The following MEAK7 variants were observed in gnomAD, a reference collection of about 807,000 sequenced individuals.
MEAK7 encodes MTOR associated protein MEAK7, also known as MTOR-associated protein MEAK7.
Under a neutral mutation model 40.5 loss-of-function variants are expected in MEAK7, and 68 were observed. The ratio of observed to expected loss-of-function variants is 1.68; its 90% CI spans 1.38 to 2.06. MEAK7 has a LOEUF of 2.06. MEAK7 is among the 30% of genes most tolerant of loss of function. The pLI is 0.00. For synonymous variants in MEAK7, 338 were observed against 231.9 expected, an observed-to-expected ratio of 1.46 and a Z score of -4.16; for missense variants, 918 against 580.5, an observed-to-expected ratio of 1.58 and a Z score of -5.98.
intron 1 of MEAK7, among the ~76,000 whole-genome samples, chr16:84,502,493 C>T (rs933209864): frequency 6.6e-6 from 1 of 151,986 alleles, no homozygotes; most frequent in Non-Finnish European, 1.5e-5. Flanking sequence ...ACAGAAGTCT[C>T]GAGGCCAATG....
chr16:84,500,213 A>G (rs1914386288), intron 1 of MEAK7, among the ~76,000 whole-genome samples: 1 of 152,188 alleles, frequency 6.6e-6, no homozygotes, highest in Middle Eastern at 3.2e-3. Flanking sequence ...ATCCATCATT[A>G]GCTGAAGGAC....
At chr16:84,500,656 C>T (rs949652515) in intron 1 of MEAK7, among the ~76,000 whole-genome samples, 2 of 152,158 alleles carry the variant, frequency 1.3e-5, no homozygotes, top group African/African-American at 4.8e-5. Context: ...GATCTCACCG[C>T]TTCCACTCCT....
intron 3 of MEAK7, among the ~76,000 whole-genome samples, chr16:84,491,794 G>A (rs533554117): frequency 7.4e-5 from 11 of 149,072 alleles, no homozygotes; most frequent in South Asian, 6.3e-4. Flanking sequence ...CTGAGATCGC[G>A]CCACTGCACT....
chr16:84,486,842 G>A lies in MEAK7; in HGVS notation c.747C>T (p.Leu249=), dbSNP rs1483233938. Residue 249 remains leucine (L), a synonymous_variant, in exon 5 of 8, where the codon CTC becomes CTT. Transcript: ENST00000343629. Reference sequence around the variant, plus strand: ...GCTGGGCGTTGATGTACATGACAGAGAGGACATCCAGGATGCTCTCAAAAC... The same window carrying A: ...GCTGGGCGTTGATGTACATGACAGAAAGGACATCCAGGATGCTCTCAAAAC... ...GRGFESILDV[L]SVMYINAQLP... is the part of the protein sequence containing the mutation. The A allele has an allele frequency of 1.9e-6, 3 of 1,614,196 alleles. No homozygotes were observed. Among genetic ancestry groups the A allele is most frequent in the South Asian group, 2.2e-5 (2 of 91,088 alleles).
Position 84,501,278 on chromosome 16 carries a change from G to A in MEAK7, c.-25-3167C>T, listed in dbSNP as rs913911977. On this transcript the variant is annotated intron_variant, in intron 1 of 7. Transcript: ENST00000343629. ...CAGGAAGTGGGAACAGCACGCACGG[G>A]GCATAAGCAAGAGCGTTGGGATCAG... 3.9e-5 allele frequency among the ~76,000 whole-genome samples: 6 copies of A among 152,182 alleles called. No homozygotes were observed. The South Asian group carries it at 1.0e-3, about 26-fold the overall frequency.
At chr16:84,497,174 C>T in intron 2 of MEAK7, 1 of 309,548 alleles carries the variant, frequency 3.2e-6, no homozygotes, top group South Asian at 2.8e-5. Flanking sequence ...CCATGCTGCA[C>T]ATTCTAGAAG....
intron 6 of MEAK7, among the ~76,000 whole-genome samples, chr16:84,482,173 C>G (rs1222292628): frequency 6.6e-6 from 1 of 152,166 alleles, no homozygotes; most frequent in Non-Finnish European, 1.5e-5. Flanking sequence ...CACGGTCACC[C>G]CAACTGGGGC....
rs1046470559 is a variant in MEAK7, at chr16:84,477,723, G to C, written c.*2190C>G. 2.0e-5 allele frequency: 3 copies of C among 152,040 alleles called. No individual in the cohort carries two copies. The highest frequency in any genetic ancestry group is 4.4e-5 in the Non-Finnish European group (3 of 68,038). 9.4% of individuals were successfully genotyped at this position (152,040 alleles called of 1,614,324 possible). A position where few individuals can be genotyped will look rare whatever the true frequency, so the allele number is the denominator to read the frequency against. ...CTATTCATTTGTGCAAACTAGGATT[G>C]CGAGTTTCTCAGAGCCAGGTAAGGT... is the stretch of plus-strand genomic sequence containing the variant. On this transcript the variant is annotated 3_prime_UTR_variant, in exon 8 of 8. Transcript: ENST00000343629.
At chr16:84,492,573 A>ATTTATTTG (rs1393525606) in intron 3 of MEAK7, among the ~76,000 whole-genome samples, 1 of 149,494 alleles carries the variant, frequency 6.7e-6, no homozygotes, top group Non-Finnish European at 1.5e-5. Context: ...GTTTTATTTT[A>ATTTATTTG]TTTATTTATT....
chr16:84,501,105 GAAAAAAA>G (rs35447624), intron 1 of MEAK7, among the ~76,000 whole-genome samples: 4 of 103,636 alleles, frequency 3.9e-5, no homozygotes, highest in Non-Finnish European at 7.2e-5. Context: ...AAAAAAAAAA[GAAAAAAA>G]AAAAAAAAAA....
chr16:84,496,419 C>G (rs1278667025), intron 2 of MEAK7, among the ~76,000 whole-genome samples: 1 of 152,134 alleles, frequency 6.6e-6, no homozygotes, highest in Admixed American at 6.5e-5. Context: ...TGGAGCTACC[C>G]CTCCCTCCGT....
rs905060464 is a variant in MEAK7 at position 84,486,556 on chromosome 16, C to G, written c.958+75G>C. The G allele has an allele frequency of 2.6e-6, 4 of 1,513,680 alleles. No individual in the cohort carries two copies. The South Asian group carries it at 4.0e-5, about 15-fold the overall frequency. The allele number at this position is 1,513,680 out of a possible 1,614,324, so 93.8% of individuals were successfully genotyped here. A position where few individuals can be genotyped will look rare whatever the true frequency, so the allele number is the denominator to read the frequency against. ...AGATGGGAGAGCCCTATTTAGCACC[C>G]CCACCCTCTCCCTTTCTCCAGAGCT... On this transcript the variant is annotated intron_variant, in intron 5 of 7. Transcript: ENST00000343629.
intron 2 of MEAK7, 63 bp from the exon 3 acceptor site, chr16:84,495,976 G>T: frequency 6.4e-7 from 1 of 1,566,088 alleles, no homozygotes; most frequent in Non-Finnish European, 8.7e-7. Flanking sequence ...GTTACTAGGA[G>T]TTATTATTTT....
rs1913139132 is a variant in MEAK7 at position 84,486,974 on chromosome 16, A to G, written c.615T>C (p.His205=). Residue 205 remains histidine (H), a synonymous_variant, in exon 5 of 8, where the codon CAT becomes CAC. Coordinates refer to ENST00000343629, the MANE Select transcript of MEAK7 (RefSeq NM_020947.4). The part of the protein sequence containing the change: ...VIEDWVFRVP[H]VAIFLSVVIC... The stretch of plus-strand genomic sequence containing the variant: ...TGACCACACTCAGGAATATGGCCAC[A>G]TGGGGGACCCTGAACACCCAGTCCT... The G allele has an allele frequency of 1.2e-6, 2 of 1,614,060 alleles. No homozygotes were observed. The highest frequency in any genetic ancestry group is 1.6e-4 in the Middle Eastern group (1 of 6,084).
At chr16:84,497,711 A>G (rs1390348510) in intron 2 of MEAK7, 1 of 1,419,150 alleles carries the variant, frequency 7.0e-7, no homozygotes, top group Non-Finnish European at 9.5e-7. Flanking sequence ...GACACTGTCT[A>G]TGGCTATTTT....
chr16:84,503,146 T>C (rs1914636057), intron 1 of MEAK7, among the ~76,000 whole-genome samples: 2 of 152,204 alleles, frequency 1.3e-5, no homozygotes, highest in Admixed American at 1.3e-4. Context: ...AAGAACTGTC[T>C]TGGGCCACAC....
intron 6 of MEAK7, 37 bp downstream of exon 6, chr16:84,482,555 C>T (rs2150624961): frequency 6.2e-7 from 1 of 1,613,714 alleles, no homozygotes; most frequent in East Asian, 2.2e-5. Context: ...TGGGGGACAT[C>T]ACCAAGGCAA....
chr16:84,498,312 A>G lies in MEAK7; in HGVS notation c.-25-201T>C, dbSNP rs370278097. On this transcript the variant is annotated intron_variant, in intron 1 of 7. Transcript: ENST00000343629. ...GAGGTGGGATCTCACTCTGCTGACCAGGCTGGAGTGCAGTGGTGCCATCAC... is the reference window on the plus strand; with the variant it reads ...GAGGTGGGATCTCACTCTGCTGACCGGGCTGGAGTGCAGTGGTGCCATCAC... 2.9e-4 allele frequency among the ~76,000 whole-genome samples: 44 copies of G among 152,300 alleles called. No individual in the cohort carries two copies. The South Asian group carries it at 4.8e-3, about 17-fold the overall frequency.
chr16:84,499,955 T>G (rs538720029), intron 1 of MEAK7: 17 of 152,434 alleles, frequency 1.1e-4, no homozygotes, highest in African/African-American at 4.1e-4. Flanking sequence ...GAGGATCGCG[T>G]GAGCACAGGA....
Sources: gnomAD v4.1 joint callset for allele counts (sites outside exome capture counted in the v4.1 genomes callset) on GRCh38, gnomAD v4.1.1 for gene constraint, MANE v1.5 for transcripts, NCBI Gene and HGNC (gene_info 2026-07-23, HGNC 2026-07-21) for gene names.